NBAS: variants seen among roughly 807,000 people sequenced by gnomAD.
The protein encoded by NBAS is NBAS subunit of NRZ tethering complex, also known as NAG/BC035112 fusion.
In NBAS, 219 loss-of-function variants were observed where a neutral mutation model predicts 302.5. The observed-to-expected ratio is 0.72, with a 90% confidence interval of 0.65 to 0.81. NBAS has a LOEUF of 0.81. NBAS is among the 30% of genes least tolerant of loss of function. The pLI, the probability that NBAS is intolerant of heterozygous loss-of-function variation, is 0.00. For missense variants in NBAS, 2,932 were observed against 2,841.6 expected, an observed-to-expected ratio of 1.03 and a Z score of -0.72; for synonymous variants, 1,118 against 1,021.6, an observed-to-expected ratio of 1.09 and a Z score of -1.80.
chr2:14,883,990 T>G, the NBAS span, among the ~76,000 whole-genome samples: 1 of 149,460 alleles, frequency 6.7e-6, no homozygotes, highest in African/African-American at 2.5e-5. Context: ...TAAAATAAAA[T>G]AAAGAAAAAT....
chr2:15,491,622 A>G (rs1174241861), intron 11 of NBAS, among the ~76,000 whole-genome samples: 4 of 151,970 alleles, frequency 2.6e-5, no homozygotes, highest in South Asian at 2.1e-4. Flanking sequence ...TGTAGTCCCA[A>G]CTACTTGGGA....
At chr2:15,202,076 T>C (rs1011194938) in intron 48 of NBAS, among the ~76,000 whole-genome samples, 1 of 152,180 alleles carries the variant, frequency 6.6e-6, no homozygotes, top group Non-Finnish European at 1.5e-5. Context: ...TAAATGGTTT[T>C]CAATTGCCAC....
chr2:15,276,923 C>G lies in NBAS; in HGVS notation c.5317G>C (p.Asp1773His). The G allele has an allele frequency of 1.2e-6, 2 of 1,614,068 alleles. No individual in the cohort carries two copies. Among genetic ancestry groups the G allele is most frequent in the East Asian group, 2.2e-5 (1 of 44,878 alleles). ...FTLLENCGCA[D>H]LGNCAIKPET... ...GGTTTAATGGCACAGTTCCCCAAAT[C>G]TGCACAGCCACAGTTTTCCAGAAGA... is the stretch of plus-strand genomic sequence containing the variant. The change falls in exon 43 of 52, where the codon GAT becomes CAT. Residue 1773 changes from aspartate to histidine, a missense_variant. By Grantham distance (81) the Asp-to-His change is moderately conservative. Transcript: ENST00000281513.
At chr2:15,011,972 A>G in the NBAS span, among the ~76,000 whole-genome samples, 1 of 152,232 alleles carries the variant, frequency 6.6e-6, no homozygotes, top group South Asian at 2.1e-4. Flanking sequence ...CTGTTCCATC[A>G]GATTCATAGA....
chr2:15,275,742 A>G lies in NBAS; in HGVS notation c.5466T>C (p.Asn1822=), dbSNP rs1448665433. The change falls in exon 44 of 52, where the codon AAT becomes AAC. Residue 1822 remains asparagine, a synonymous_variant. Transcript: ENST00000281513. ...GAACAAGTTTGGAAATAGACAAGAT[A>G]TTTTGACTTGAAAGAACTGGCTCCA... The part of the protein sequence containing the change: ...EALEPVLSSQ[N]ILSISKLVPK... The G allele has an allele frequency of 6.2e-7, 1 of 1,614,188 alleles. No individual in the cohort carries two copies. The highest frequency in any genetic ancestry group is 1.7e-5 in the Admixed American group (1 of 60,022).
At chr2:15,190,962 C>T (rs1665326521) in intron 48 of NBAS, among the ~76,000 whole-genome samples, 1 of 152,118 alleles carries the variant, frequency 6.6e-6, no homozygotes, top group South Asian at 2.1e-4. Context: ...CTGCCAAATA[C>T]AAAACACCCA....
the NBAS span, among the ~76,000 whole-genome samples, chr2:15,153,597 T>C: frequency 6.6e-6 from 1 of 152,246 alleles, no homozygotes; most frequent in Non-Finnish European, 1.5e-5. Context: ...GTTGAGAAGC[T>C]GGACCAGTTT....
At chr2:15,150,632 T>C in the NBAS span, among the ~76,000 whole-genome samples, 1 of 152,210 alleles carries the variant, frequency 6.6e-6, no homozygotes, top group South Asian at 2.1e-4. Flanking sequence ...CATGAAAACT[T>C]TGTCCCTTTT....
intron 25 of NBAS, among the ~76,000 whole-genome samples, chr2:15,405,580 G>C (rs1676369998): frequency 1.3e-5 from 2 of 152,070 alleles, no homozygotes; most frequent in African/African-American, 4.8e-5. Context: ...ATAGGCCGCA[G>C]ATCATCACCC....
chr2:15,298,034 A>C (rs2148127470), intron 40 of NBAS, among the ~76,000 whole-genome samples: 1 of 152,218 alleles, frequency 6.6e-6, no homozygotes, highest in South Asian at 2.1e-4. Flanking sequence ...CTTCCTTTTA[A>C]AATTCTGTCT....
At chr2:15,150,462 T>A in the NBAS span, among the ~76,000 whole-genome samples, 2 of 152,192 alleles carry the variant, frequency 1.3e-5, no homozygotes, top group Non-Finnish European at 2.9e-5. Context: ...ATAGCCTATT[T>A]AATAAACAAT....
intron 38 of NBAS, among the ~76,000 whole-genome samples, chr2:15,325,918 T>C (rs898405797): frequency 6.6e-6 from 1 of 152,214 alleles, no homozygotes; most frequent in South Asian, 2.1e-4. Context: ...TGAATATTTA[T>C]AGGCCATTAT....
At chr2:14,855,651 G>A in the NBAS span, among the ~76,000 whole-genome samples, 2 of 152,094 alleles carry the variant, frequency 1.3e-5, no homozygotes, top group African/African-American at 4.8e-5. Context: ...CATGGCCTGG[G>A]GTAGCAGTGG....
chr2:15,296,793 A>T (rs1369543718), intron 40 of NBAS, among the ~76,000 whole-genome samples: 1 of 152,160 alleles, frequency 6.6e-6, no homozygotes, highest in Non-Finnish European at 1.5e-5. Context: ...AGCTATGATC[A>T]CACCACTGTT....
At chr2:15,505,437 T>C (rs79037838) in intron 10 of NBAS, among the ~76,000 whole-genome samples, 5 of 151,792 alleles carry the variant, frequency 3.3e-5, no homozygotes, top group African/African-American at 1.2e-4. Context: ...GGGAGAAAAA[T>C]GGCAAACAGG....
At chr2:15,051,119 G>T in the NBAS span, among the ~76,000 whole-genome samples, 1 of 152,182 alleles carries the variant, frequency 6.6e-6, no homozygotes, top group Non-Finnish European at 1.5e-5. Flanking sequence ...GTGAATGAGA[G>T]AATCAATTAT....
At chr2:14,870,206 C>T in the NBAS span, among the ~76,000 whole-genome samples, 2 of 152,154 alleles carry the variant, frequency 1.3e-5, no homozygotes, top group Admixed American at 1.3e-4. Flanking sequence ...GGTTCCCTTA[C>T]TGGCAGAGCC....
chr2:15,491,604 T>C (rs1680857911), intron 11 of NBAS, among the ~76,000 whole-genome samples: 1 of 151,982 alleles, frequency 6.6e-6, no homozygotes, highest in Non-Finnish European at 1.5e-5. Context: ...GGCGTGGTGG[T>C]GGGCGCCTGT....
At chr2:15,240,446 CAAAAA>C (rs1175235771) in intron 44 of NBAS, among the ~76,000 whole-genome samples, 4,076 of 75,378 alleles carry the variant, frequency 0.054, 114 homozygotes, top group East Asian at 0.15. Context: ...ACTAAAAATA[CAAAAA>C]AAAAAAAAAA....
Sources: allele counts gnomAD v4.1 joint callset (sites outside exome capture counted in the v4.1 genomes callset), GRCh38; gene constraint gnomAD v4.1.1; transcripts MANE v1.5; gene names NCBI Gene and HGNC (gene_info 2026-07-23, HGNC 2026-07-21).